The following MTR variants were observed in gnomAD, a reference collection of about 807,000 sequenced individuals.
MTR encodes the protein methionine synthase.
Under a neutral mutation model 154.8 loss-of-function variants are expected in MTR, and 84 were observed. That is an observed-to-expected ratio of 0.54 (90% CI 0.45 to 0.65). The LOEUF (loss-of-function observed/expected upper bound fraction) is 0.65. MTR is among the 30% of genes least tolerant of loss of function. The pLI, the probability that MTR is intolerant of heterozygous loss-of-function variation, is 0.00. For synonymous variants in MTR, 554 were observed against 553.9 expected, an observed-to-expected ratio of 1.00 and a Z score of 0.00; for missense variants, 1,275 against 1,570.2, an observed-to-expected ratio of 0.81 and a Z score of 3.18.
intron 12 of MTR, among the ~76,000 whole-genome samples, chr1:236,830,465 A>G (rs1307826753): frequency 2.0e-5 from 3 of 152,218 alleles, no homozygotes; most frequent in African/African-American, 7.2e-5. Flanking sequence ...TTCAATTTGA[A>G]TGTCGTACGC....
chr1:236,823,127 A>ATATTCTAG (rs1456664053), intron 8 of MTR, among the ~76,000 whole-genome samples: 3 of 152,214 alleles, frequency 2.0e-5, no homozygotes, highest in Non-Finnish European at 4.4e-5. Flanking sequence ...GAATTTCTAT[A>ATATTCTAG]TATTCTAGTT....
chr1:236,897,545 T>G lies in MTR; in HGVS notation c.3712-13T>G. The G allele has an allele frequency of 6.2e-7, 1 of 1,612,090 alleles. No individual in the cohort carries two copies. Among genetic ancestry groups the G allele is most frequent in the Non-Finnish European group, 8.5e-7 (1 of 1,178,180 alleles). The stretch of plus-strand genomic sequence containing the variant: ...TCATGTTGGTTTAATAAAATGCTTC[T>G]CATCTTTTGCAGGTTGAGGATTATG... On this transcript the variant is annotated splice_polypyrimidine_tract_variant and intron_variant, in intron 32 of 32. Transcript: ENST00000366577.
At chr1:236,800,679 T>C (rs1660654567) in intron 1 of MTR, among the ~76,000 whole-genome samples, 1 of 152,244 alleles carries the variant, frequency 6.6e-6, no homozygotes, top group South Asian at 2.1e-4. Flanking sequence ...CTTTGTAATA[T>C]ATAGAACACA....
Position 236,897,081 on chromosome 1 carries a change from C to T in MTR, c.3674C>T (p.Ser1225Phe). Reference protein sequence around the residue: ...VSGLYFSNLKSKYFAVGKISK... With the variant: ...VSGLYFSNLKFKYFAVGKISK... Reference sequence around the variant, plus strand: ...GGCCTCTACTTCTCCAATTTGAAGTCCAAATATTTTGCTGTGGGGAAGATT... The same window carrying T: ...GGCCTCTACTTCTCCAATTTGAAGTTCAAATATTTTGCTGTGGGGAAGATT... The change falls in exon 32 of 33, where the codon TCC (serine) becomes TTC (phenylalanine). Residue 1225 changes from serine to phenylalanine, a missense_variant. Physicochemically the swap from Ser to Phe is radical, Grantham distance 155 (BLOSUM62 -2). Coordinates refer to ENST00000366577, the MANE Select transcript of MTR (RefSeq NM_000254.3). 2 of 1,614,020 alleles carry T rather than the reference C, an allele frequency of 1.2e-6. No individual in the cohort carries two copies. The highest frequency in any genetic ancestry group is 2.2e-5 in the East Asian group (1 of 44,880).
Position 236,861,097 on chromosome 1 carries a change from C to CTTTTTTCTTTTTT in MTR, c.2044-22_2044-21insCTTTTTTTTTTTT. 4.3e-6 allele frequency: 5 copies of CTTTTTTCTTTTTT among 1,156,656 alleles called. No homozygotes were observed. The East Asian group carries it at 8.8e-5, about 20-fold the overall frequency. 71.6% of individuals were successfully genotyped at this position (1,156,656 alleles called of 1,614,324 possible). On this transcript the variant is annotated intron_variant, in intron 19 of 32. Coordinates refer to ENST00000366577, the MANE Select transcript of MTR (RefSeq NM_000254.3). ...ATTTTTTTTTTCTTTCTTTCTTTTT[C>CTTTTTTCTTTTTT]TTTTTTTTTTTTTTTTGTCTTTTTT... is the stretch of plus-strand genomic sequence containing the variant.
In MTR at chr1:236,898,281, T is replaced by G. The variant is rs1175319433; in HGVS notation, c.*637T>G. On this transcript the variant is annotated 3_prime_UTR_variant, in exon 33 of 33. Transcript: ENST00000366577. ...CCCAGTGTGGTCAAGCAGCCATGCT[T>G]TCTGGGCATTTTCGTCCTCCCATAA... The G allele has an allele frequency of 6.6e-6, 1 of 152,356 alleles. No homozygotes were observed. Among genetic ancestry groups the G allele is most frequent in the Non-Finnish European group, 1.5e-5 (1 of 68,230 alleles). 9.4% of individuals were successfully genotyped at this position (152,356 alleles called of 1,614,324 possible). A position where few individuals can be genotyped will look rare whatever the true frequency, so the allele number is the denominator to read the frequency against.
chr1:236,811,824 G>A (rs1430113211), intron 5 of MTR, among the ~76,000 whole-genome samples: 1 of 152,170 alleles, frequency 6.6e-6, no homozygotes, highest in Non-Finnish European at 1.5e-5. Context: ...ATGTTGATTA[G>A]AAAGAAAATA....
At chr1:236,814,800 T>A (rs1661493737) in intron 6 of MTR, among the ~76,000 whole-genome samples, 1 of 152,184 alleles carries the variant, frequency 6.6e-6, no homozygotes, top group Admixed American at 6.5e-5. Flanking sequence ...TTCTTATATG[T>A]TTGTTTTCCG....
At chr1:236,879,463 A>T (rs1052864543) in intron 24 of MTR, among the ~76,000 whole-genome samples, 36 of 152,288 alleles carry the variant, frequency 2.4e-4, no homozygotes, top group Admixed American at 2.1e-3. Flanking sequence ...GAAGAATATG[A>T]AAGCACTTGA....
rs773190246 is a variant in MTR, at chr1:236,889,244, A to T, written c.2915A>T (p.Tyr972Phe). The T allele has an allele frequency of 5.0e-6, 8 of 1,614,100 alleles. No homozygotes were observed. The highest frequency in any genetic ancestry group is 6.8e-6 in the Non-Finnish European group (8 of 1,180,040). Residue 972 changes from tyrosine (Y) to phenylalanine (F), a missense_variant, in exon 28 of 33, where the codon TAC (tyrosine) becomes TTC (phenylalanine). Tyr to Phe is a conservative substitution (Grantham distance 22). Transcript: ENST00000366577. ...EDYDLQKLVDYIDWKPFFDVW... is the reference protein window; with the variant it reads ...EDYDLQKLVDFIDWKPFFDVW... ...TATGACCTGCAGAAGCTGGTGGACTACATTGACTGGAAGCCTTTCTTTGAT... is the reference window on the plus strand; with the variant it reads ...TATGACCTGCAGAAGCTGGTGGACTTCATTGACTGGAAGCCTTTCTTTGAT...
At chr1:236,896,207 A>G (rs4659745) in intron 31 of MTR, among the ~76,000 whole-genome samples, 95,673 of 152,006 alleles carry the variant, frequency 0.63, 30,329 homozygotes, top group East Asian at 0.76. Flanking sequence ...TTGTCATGTC[A>G]ATGTCCTGGT....
chr1:236,866,242 A>C (rs565794899), intron 22 of MTR, among the ~76,000 whole-genome samples: 9 of 152,112 alleles, frequency 5.9e-5, no homozygotes, highest in African/African-American at 1.9e-4. Flanking sequence ...TCTGTGTCAC[A>C]TTTTCCTAAT....
rs1572210177 is a variant in MTR at position 236,820,462 on chromosome 1, C to G, written c.765-3657C>G. On this transcript the variant is annotated intron_variant, in intron 8 of 32. Coordinates refer to ENST00000366577, the MANE Select transcript of MTR (RefSeq NM_000254.3). Reference sequence around the variant, plus strand: ...ACTCAGCCTGCCACGGAAGACTGGTCTGCAGCTCCCACTGCTCAGGCCACT... The same window carrying G: ...ACTCAGCCTGCCACGGAAGACTGGTGTGCAGCTCCCACTGCTCAGGCCACT... 1.3e-5 allele frequency: 18 copies of G among 1,407,628 alleles called. No individual in the cohort carries two copies. In the East Asian group the frequency reaches 4.1e-4, roughly 32 times the overall value. The allele number at this position is 1,407,628 out of a possible 1,614,324, so 87.2% of individuals were successfully genotyped here. A position where few individuals can be genotyped will look rare whatever the true frequency, so the allele number is the denominator to read the frequency against.
At chr1:236,817,065 C>A (rs1318478122) in intron 8 of MTR, among the ~76,000 whole-genome samples, 3 of 152,120 alleles carry the variant, frequency 2.0e-5, no homozygotes, top group African/African-American at 7.2e-5. Flanking sequence ...TCAGCTTGGC[C>A]AACATAGCAG....
chr1:236,820,725 C>T (rs570533622), intron 8 of MTR, among the ~76,000 whole-genome samples: 2 of 152,134 alleles, frequency 1.3e-5, no homozygotes, highest in Non-Finnish European at 2.9e-5. Flanking sequence ...GAGAAACTGC[C>T]AAACTATCCT....
intron 29 of MTR, 29 bp from the exon 30 acceptor site, chr1:236,894,328 C>T (rs752826518): frequency 1.3e-5 from 21 of 1,612,526 alleles, no homozygotes; most frequent in Middle Eastern, 1.7e-4. Flanking sequence ...ACGGCGCCCC[C>T]GCACACTCCT....
In MTR at chr1:236,856,351, A is replaced by G. The variant is rs931858714; in HGVS notation, c.1953+3263A>G. ...GAGGGACTTTTTCTTTTTTTTTACTATCTCGTTCAGGTTTTTCAACATATG... is the reference window on the plus strand; with the variant it reads ...GAGGGACTTTTTCTTTTTTTTTACTGTCTCGTTCAGGTTTTTCAACATATG... On this transcript the variant is annotated intron_variant, in intron 18 of 32. Coordinates refer to ENST00000366577, the MANE Select transcript of MTR (RefSeq NM_000254.3). Among the ~76,000 whole-genome samples the G allele has an allele frequency of 3.3e-5, 5 of 151,570 alleles. No homozygotes were observed. The South Asian group carries it at 1.0e-3, about 31-fold the overall frequency.
chr1:236,894,815 C>G, intron 30 of MTR: 1 of 527,544 alleles, frequency 1.9e-6, no homozygotes, highest in Non-Finnish European at 3.4e-6. Context: ...GCCTTTATCT[C>G]TACCTTATCT....
Position 236,889,240 on chromosome 1 carries a change from G to A in MTR, c.2911G>A (p.Asp971Asn), listed in dbSNP as rs1369853053. 5.0e-6 allele frequency: 8 copies of A among 1,614,096 alleles called. No homozygotes were observed. The African/African-American group carries it at 5.3e-5, about 11-fold the overall frequency. The change falls in exon 28 of 33, where the codon GAC (aspartate) becomes AAC (asparagine). Residue 971 changes from aspartate to asparagine, a missense_variant. Coordinates refer to ENST00000366577, the MANE Select transcript of MTR (RefSeq NM_000254.3). The part of the protein sequence containing the change: ...FEDYDLQKLV[D>N]YIDWKPFFDV... ...AGACTATGACCTGCAGAAGCTGGTG[G>A]ACTACATTGACTGGAAGCCTTTCTT...
Sources: gnomAD v4.1 joint callset for allele counts (sites outside exome capture counted in the v4.1 genomes callset) on GRCh38, gnomAD v4.1.1 for gene constraint, MANE v1.5 for transcripts, NCBI Gene and HGNC (gene_info 2026-07-23, HGNC 2026-07-21) for gene names.